The following KIRREL3 variants were observed in gnomAD, a reference collection of about 807,000 sequenced individuals.
The protein encoded by KIRREL3 is kin of IRRE-like protein 3.
KIRREL3 carries 36 observed loss-of-function variants against 89.7 expected under a neutral mutation model. The observed-to-expected ratio is 0.40, with a 90% CI of 0.31 to 0.53. The LOEUF is 0.53. KIRREL3 is among the 20% of genes least tolerant of loss of function. The pLI is 0.49. For synonymous variants in KIRREL3, 445 were observed against 441.4 expected (o/e 1.01, Z -0.10); for missense variants, 864 against 1,056.6 (o/e 0.82, Z 2.53).
chr11:126,702,753 C>T (rs1299519432), intron 1 of KIRREL3, among the ~76,000 whole-genome samples: 2 of 152,204 alleles, frequency 1.3e-5, no homozygotes, highest in East Asian at 1.9e-4. Context: ...TCTCTGACCA[C>T]ACTTTAAATG....
At chr11:126,938,596 A>C (rs1375042095) in intron 1 of KIRREL3, among the ~76,000 whole-genome samples, 3 of 152,186 alleles carry the variant, frequency 2.0e-5, no homozygotes, top group African/African-American at 4.8e-5. Flanking sequence ...CTGATTAAAA[A>C]CATTATGTAT....
intron 4 of KIRREL3, among the ~76,000 whole-genome samples, chr11:126,480,156 G>T (rs530383949): frequency 6.6e-6 from 1 of 152,238 alleles, no homozygotes; most frequent in South Asian, 2.1e-4. Flanking sequence ...GACTTGAGTC[G>T]ATCACTTTAT....
At position 126,750,487 on chromosome 11, in the gene KIRREL3, A is replaced by C. The variant is rs1949298805; in HGVS notation, c.56-187575T>G. Reference sequence around the variant, plus strand: ...GAGAGGTTTGGCTGAGAGACTTAAGAATGTAGTATGAACTTATCAGTGAAT... The same window carrying C: ...GAGAGGTTTGGCTGAGAGACTTAAGCATGTAGTATGAACTTATCAGTGAAT... On this transcript the variant is annotated intron_variant, in intron 1 of 16. Transcript: ENST00000525144. This position sits in a 1 kb window ranked among gnomAD's most constrained non-coding sequence, Gnocchi z 4.2. Among the ~76,000 whole-genome samples the C allele has an allele frequency of 9.7e-6, 1 of 102,988 alleles. No homozygotes were observed. The highest frequency in any genetic ancestry group is 4.0e-5 in the African/African-American group (1 of 25,286). 67.6% of individuals were successfully genotyped at this position (102,988 alleles called of 152,430 possible). A position where few individuals can be genotyped will look rare whatever the true frequency, so the allele number is the denominator to read the frequency against.
At chr11:126,838,464 C>A (rs938880905) in intron 1 of KIRREL3, among the ~76,000 whole-genome samples, 2 of 152,164 alleles carry the variant, frequency 1.3e-5, no homozygotes, top group African/African-American at 4.8e-5. Flanking sequence ...TTAAATTTTG[C>A]CAACTCTGGA....
chr11:126,765,485 T>G (rs1230641249), intron 1 of KIRREL3, among the ~76,000 whole-genome samples: 1 of 152,212 alleles, frequency 6.6e-6, no homozygotes, highest in African/African-American at 2.4e-5. Flanking sequence ...GTGTTCATAA[T>G]GCTTTATCTC....
rs1938358103 is a variant in KIRREL3, at chr11:126,541,422, A to C, written c.134-14735T>G. 6.6e-6 allele frequency among the ~76,000 whole-genome samples: 1 copy of C among 152,188 alleles called. No homozygotes were observed. Among genetic ancestry groups the C allele is most frequent in the East Asian group, 1.9e-4 (1 of 5,192 alleles). ...GGGGTGGGGGGTGGTCCTAAGGTTG[A>C]AAATAATAAAATCAAGGTGCAAAGA... On this transcript the variant is annotated intron_variant, in intron 2 of 16. Transcript: ENST00000525144. The surrounding 1 kb of genome is among the most constrained non-coding windows in gnomAD (Gnocchi z 4.8).
intron 5 of KIRREL3, among the ~76,000 whole-genome samples, chr11:126,473,008 A>C (rs1196445876): frequency 3.4e-5 from 1 of 29,234 alleles, no homozygotes. Context: ...AGCCCCTGCC[A>C]ACCAGCCCCC....
chr11:126,975,120 A>G (rs1949532732), intron 1 of KIRREL3, among the ~76,000 whole-genome samples: 1 of 151,986 alleles, frequency 6.6e-6, no homozygotes, highest in South Asian at 2.1e-4. Flanking sequence ...TCAAAACACT[A>G]TTATTATCTT....
intron 1 of KIRREL3, among the ~76,000 whole-genome samples, chr11:126,881,708 C>G (rs1024195190): frequency 6.6e-6 from 1 of 152,072 alleles, no homozygotes; most frequent in Non-Finnish European, 1.5e-5. Context: ...CCACCATACT[C>G]GGCTAATTTT....
intron 1 of KIRREL3, among the ~76,000 whole-genome samples, chr11:126,852,617 C>G (rs967910439): frequency 5.9e-5 from 9 of 152,118 alleles, no homozygotes; most frequent in Admixed American, 2.0e-4. Flanking sequence ...GAGCTGGGAG[C>G]ATCATGATGA....
In KIRREL3 at chr11:126,872,616, G is replaced by T. The variant is rs187858625; in HGVS notation, c.55+127839C>A. Among the ~76,000 whole-genome samples the T allele has an allele frequency of 4.6e-5, 7 of 152,256 alleles. No individual in the cohort carries two copies. Among genetic ancestry groups the T allele is most frequent in the Non-Finnish European group, 8.8e-5 (6 of 68,002 alleles). ...GCCCCTCTAAGGGACCTTAGGCCTTGTTATCTTTGAAAAAATGCTCCAGAG... is the reference window on the plus strand; with the variant it reads ...GCCCCTCTAAGGGACCTTAGGCCTTTTTATCTTTGAAAAAATGCTCCAGAG... On this transcript the variant is annotated intron_variant, in intron 1 of 16. Coordinates refer to ENST00000525144, the MANE Select transcript of KIRREL3 (RefSeq NM_032531.4). This position sits in a 1 kb window ranked among gnomAD's most constrained non-coding sequence, Gnocchi z 4.2.
chr11:126,597,220 C>T (rs7946519), intron 1 of KIRREL3, among the ~76,000 whole-genome samples: 6,571 of 152,256 alleles, frequency 0.043, 427 homozygotes, highest in African/African-American at 0.15. Context: ...AGAGCAGCCT[C>T]GCTGGTCCTG....
rs1305251521 is a variant in KIRREL3 at position 126,742,532 on chromosome 11, A to G, written c.56-179620T>C. 6.6e-6 allele frequency among the ~76,000 whole-genome samples: 1 copy of G among 152,236 alleles called. No homozygotes were observed. Among genetic ancestry groups the G allele is most frequent in the African/African-American group, 2.4e-5 (1 of 41,466 alleles). Reference sequence around the variant, plus strand: ...CACAACATGGATCTCAGAACTGGAAAGAACAAGAGATTTTCCCATAAAGCT... The same window carrying G: ...CACAACATGGATCTCAGAACTGGAAGGAACAAGAGATTTTCCCATAAAGCT... On this transcript the variant is annotated intron_variant, in intron 1 of 16. Coordinates refer to ENST00000525144, the MANE Select transcript of KIRREL3 (RefSeq NM_032531.4). The surrounding 1 kb of genome is among the most constrained non-coding windows in gnomAD (Gnocchi z 5.3).
At position 126,663,217 on chromosome 11, in the gene KIRREL3, G is replaced by T. The variant is rs550490271; in HGVS notation, c.56-100305C>A. Among the ~76,000 whole-genome samples, 11 of 125,208 alleles carry T rather than the reference G, an allele frequency of 8.8e-5. No homozygotes were observed. In the East Asian group the frequency reaches 2.6e-3, roughly 30 times the overall value. The allele number at this position is 125,208 out of a possible 152,430, so 82.1% of individuals were successfully genotyped here. ...TTTTTTTTTTTTGAGATGGAGTCTC[G>T]CTCTGTCACCCAGGCTGGAGTGCAG... On this transcript the variant is annotated intron_variant, in intron 1 of 16. Coordinates refer to ENST00000525144, the MANE Select transcript of KIRREL3 (RefSeq NM_032531.4).
At chr11:126,693,234 C>T (rs1946948549) in intron 1 of KIRREL3, among the ~76,000 whole-genome samples, 1 of 152,292 alleles carries the variant, frequency 6.6e-6, no homozygotes. Flanking sequence ...GCCTGGGCAA[C>T]ACAGCGAAAC....
At chr11:126,524,971 T>C (rs1008804639) in intron 3 of KIRREL3, among the ~76,000 whole-genome samples, 1 of 152,120 alleles carries the variant, frequency 6.6e-6, no homozygotes, top group Non-Finnish European at 1.5e-5. Flanking sequence ...GGTCATTGGC[T>C]CTGTATGGAG....
At chr11:126,504,750 C>G (rs1957970447) in intron 4 of KIRREL3, among the ~76,000 whole-genome samples, 1 of 152,084 alleles carries the variant, frequency 6.6e-6, no homozygotes, top group Non-Finnish European at 1.5e-5. Flanking sequence ...AGATAAAAAC[C>G]CTTTAAGATA....
chr11:126,550,776 C>G lies in KIRREL3; in HGVS notation c.133+12059G>C, dbSNP rs1412847712. ...AACTCTCCCCAACTGCATTTTTCCT[C>G]TACACTCACCACAACAGTCCACACA... On this transcript the variant is annotated intron_variant, in intron 2 of 16. Coordinates refer to ENST00000525144, the MANE Select transcript of KIRREL3 (RefSeq NM_032531.4). This position sits in a 1 kb window ranked among gnomAD's most constrained non-coding sequence, Gnocchi z 4.9. The G allele has an allele frequency of 6.6e-6, 1 of 152,224 alleles. No individual in the cohort carries two copies. Among genetic ancestry groups the G allele is most frequent in the Non-Finnish European group, 1.5e-5 (1 of 68,046 alleles). 9.4% of individuals were successfully genotyped at this position (152,224 alleles called of 1,614,324 possible).
In KIRREL3 at chr11:126,463,489, T is replaced by TG. The variant is rs1393725896; in HGVS notation, c.592-183dup. Among the ~76,000 whole-genome samples the TG allele has an allele frequency of 2.0e-5, 3 of 152,212 alleles. No homozygotes were observed. The highest frequency in any genetic ancestry group is 4.4e-5 in the Non-Finnish European group (3 of 68,018). ...GCTCGGGGGTTACCCCCTGGCTCCC[T>TG]GGCCTGGCTAAGTGCTGGGCTGTGG... On this transcript the variant is annotated intron_variant, in intron 5 of 16. Transcript: ENST00000525144. The surrounding 1 kb of genome is among the most constrained non-coding windows in gnomAD (Gnocchi z 5.9).
Sources: allele counts gnomAD v4.1 joint callset (sites outside exome capture counted in the v4.1 genomes callset), GRCh38; gene constraint gnomAD v4.1.1; non-coding constraint Gnocchi (gnomAD v3.1); transcripts MANE v1.5; gene names NCBI Gene and HGNC (gene_info 2026-07-23, HGNC 2026-07-21).